The following ITGA8 variants were observed in gnomAD, a reference collection of about 807,000 sequenced individuals.
The protein encoded by ITGA8 is integrin alpha-8.
Under a neutral mutation model 142.3 loss-of-function variants are expected in ITGA8, and 91 were observed. That is an observed-to-expected ratio of 0.64 (90% CI 0.54 to 0.76). ITGA8 has a LOEUF of 0.76. Among genes scored for constraint, ITGA8 ranks in the 30% least tolerant of loss-of-function variants. The pLI is 0.00. For synonymous variants in ITGA8, 505 were observed against 485.2 expected (o/e 1.04, Z -0.54); for missense variants, 1,406 against 1,327.7 (o/e 1.06, Z -0.92).
intron 26 of ITGA8, among the ~76,000 whole-genome samples, chr10:15,555,045 G>A (rs1022491270): frequency 7.2e-5 from 11 of 152,226 alleles, no homozygotes; most frequent in South Asian, 6.2e-4. Flanking sequence ...GATAGCTACC[G>A]TGAATTATTT....
At position 15,644,158 on chromosome 10, in the gene ITGA8, C is replaced by A; in HGVS notation, c.1271G>T (p.Gly424Val). The change falls in exon 13 of 30, where the codon GGG becomes GTG. Residue 424 changes from glycine (G) to valine (V), a missense_variant. Transcript: ENST00000378076. Reference protein sequence around the residue: ...DQRGKVLIYNGNKDGLNTKPS... With the variant: ...DQRGKVLIYNVNKDGLNTKPS... ...CTTGGTGTTTAAGCCATCTTTGTTC[C>A]CATTATAAATGAGCACTTTGCCTCT... 6.2e-7 allele frequency: 1 copy of A among 1,614,052 alleles called. No individual in the cohort carries two copies. Among genetic ancestry groups the A allele is most frequent in the Non-Finnish European group, 8.5e-7 (1 of 1,180,002 alleles).
chr10:15,693,140 A>C (rs1381850199), intron 2 of ITGA8, among the ~76,000 whole-genome samples: 2 of 152,214 alleles, frequency 1.3e-5, no homozygotes, highest in African/African-American at 4.8e-5. Context: ...ACATTCAACT[A>C]TTTCACACAT....
intron 28 of ITGA8, among the ~76,000 whole-genome samples, chr10:15,529,615 G>T (rs1208514952): frequency 6.6e-6 from 1 of 152,212 alleles, no homozygotes; most frequent in Non-Finnish European, 1.5e-5. Flanking sequence ...TTGGGGAGAA[G>T]TCTTAGCATG....
intron 21 of ITGA8, among the ~76,000 whole-genome samples, chr10:15,595,794 G>A (rs7908139): frequency 0.14 from 21,940 of 152,128 alleles, 1,685 homozygotes; most frequent in Admixed American, 0.25. Flanking sequence ...GGCTGGGCTC[G>A]GTGGCACACA....
chr10:15,616,699 T>A, intron 13 of ITGA8, 140 bp from the exon 14 acceptor site: 1 of 711,822 alleles, frequency 1.4e-6, no homozygotes, highest in Non-Finnish European at 2.5e-6. Flanking sequence ...AATCACACCT[T>A]TCTTAAGGCA....
intron 2 of ITGA8, among the ~76,000 whole-genome samples, chr10:15,704,118 T>A (rs1033241416): frequency 1.3e-5 from 2 of 152,212 alleles, no homozygotes; most frequent in African/African-American, 2.4e-5. Context: ...CAATGAGTCA[T>A]CAATTCTTGT....
At chr10:15,678,671 T>TAA in intron 5 of ITGA8, 51 bp downstream of exon 5, 1 of 1,248,948 alleles carries the variant, frequency 8.0e-7, no homozygotes, top group Non-Finnish European at 1.2e-6. Flanking sequence ...AGGCAGAGGG[T>TAA]AAAAAAAAAT....
intron 21 of ITGA8, chr10:15,596,546 C>T (rs1247341463): frequency 1.3e-5 from 2 of 152,152 alleles, no homozygotes; most frequent in East Asian, 3.8e-4. Context: ...TTTATTTTTG[C>T]CCCAAGAAGT....
chr10:15,639,806 A>G (rs1833838335), intron 13 of ITGA8, among the ~76,000 whole-genome samples: 1 of 152,224 alleles, frequency 6.6e-6, no homozygotes, highest in Non-Finnish European at 1.5e-5. Context: ...GGTGGCCTGA[A>G]CATTCGGATT....
At chr10:15,716,728 T>G (rs1242101684) in intron 2 of ITGA8, among the ~76,000 whole-genome samples, 2 of 146,034 alleles carry the variant, frequency 1.4e-5, no homozygotes, top group Non-Finnish European at 3.0e-5. Context: ...TGGAGTGCAA[T>G]GGTGCAATCT....
chr10:15,587,045 C>T (rs1832844632), intron 22 of ITGA8, among the ~76,000 whole-genome samples: 1 of 152,026 alleles, frequency 6.6e-6, no homozygotes, highest in South Asian at 2.1e-4. Context: ...GCCTCAGCCT[C>T]CCAAGTAGCT....
At chr10:15,633,796 A>G (rs148080517) in intron 13 of ITGA8, among the ~76,000 whole-genome samples, 14 of 152,286 alleles carry the variant, frequency 9.2e-5, no homozygotes, top group African/African-American at 3.4e-4. Context: ...CCTCACTCAT[A>G]TATCACTAAG....
Position 15,719,631 on chromosome 10 carries a change from T to C in ITGA8, c.141A>G (p.Thr47=), listed in dbSNP as rs1256756678. The C allele has an allele frequency of 2.8e-5, 43 of 1,541,094 alleles. No homozygotes were observed. The highest frequency in any genetic ancestry group is 3.7e-5 in the Non-Finnish European group (43 of 1,153,360). Residue 47 remains threonine, a synonymous_variant, in exon 1 of 30, where the codon ACA becomes ACG. Transcript: ENST00000378076. The part of the protein sequence containing the change: ...QAFNLDVEKL[T]VYSGPKGSYF... ...AGCTGCCCTTGGGGCCGCTGTACAC[T>C]GTGAGCTTTTCCACGTCCAGGTTGA...
chr10:15,595,461 A>G (rs1832996394), intron 21 of ITGA8, among the ~76,000 whole-genome samples: 5 of 152,262 alleles, frequency 3.3e-5, no homozygotes, highest in Admixed American at 2.0e-4. Context: ...CTTTTACTAT[A>G]GACCTCAGAG....
chr10:15,544,300 C>T (rs915067331), intron 27 of ITGA8, among the ~76,000 whole-genome samples: 1 of 146,100 alleles, frequency 6.8e-6, no homozygotes, highest in East Asian at 2.0e-4. Flanking sequence ...CCTGTCTCTA[C>T]CAAAAAAAAA....
At chr10:15,660,053 T>G (rs1335705028) in intron 9 of ITGA8, among the ~76,000 whole-genome samples, 2 of 152,212 alleles carry the variant, frequency 1.3e-5, no homozygotes, top group Non-Finnish European at 2.9e-5. Flanking sequence ...TTAGTTAAAT[T>G]TATAATAAAA....
chr10:15,717,173 T>C (rs1835469626), intron 2 of ITGA8, among the ~76,000 whole-genome samples: 1 of 152,220 alleles, frequency 6.6e-6, no homozygotes, highest in Non-Finnish European at 1.5e-5. Context: ...CAGATCCTGA[T>C]TTGATGTTAT....
chr10:15,603,836 T>G (rs554867545), intron 20 of ITGA8, among the ~76,000 whole-genome samples: 7 of 152,314 alleles, frequency 4.6e-5, no homozygotes, highest in Admixed American at 4.6e-4. Context: ...CCAGGCTTCC[T>G]GACATGTGCT....
chr10:15,604,595 A>G (rs1833161437), intron 19 of ITGA8, among the ~76,000 whole-genome samples: 1 of 151,874 alleles, frequency 6.6e-6, no homozygotes, highest in South Asian at 2.1e-4. Flanking sequence ...AAAAAAAAAA[A>G]AAAAAGGATT....
Sources: gnomAD v4.1 joint callset for allele counts (sites outside exome capture counted in the v4.1 genomes callset) on GRCh38, gnomAD v4.1.1 for gene constraint, MANE v1.5 for transcripts, NCBI Gene and HGNC (gene_info 2026-07-23, HGNC 2026-07-21) for gene names.